Variants in GPATCH2 observed in about 807,000 individuals in gnomAD.
The protein encoded by GPATCH2 is G-patch domain containing 2.
In GPATCH2, 51 loss-of-function variants were observed where a neutral mutation model predicts 58.0. The ratio of observed to expected loss-of-function variants is 0.88; its 90% CI spans 0.70 to 1.11. The LOEUF is 1.11. Ranked by LOEUF, GPATCH2 falls within the 50% of genes most tolerant of loss-of-function variation. GPATCH2 has a pLI of 0.00. For synonymous variants in GPATCH2, 222 were observed against 218.5 expected (o/e 1.02, Z -0.14); for missense variants, 625 against 652.2 (o/e 0.96, Z 0.45).
At chr1:217,611,096 C>CG (rs772696115) in intron 3 of GPATCH2, 25 bp from the exon 4 acceptor site, 3 of 1,587,210 alleles carry the variant, frequency 1.9e-6, no homozygotes, top group Non-Finnish European at 1.7e-6. Flanking sequence ...GAAACCCCCC[C>CG]CCACCAAAGA....
chr1:217,579,727 G>A (rs531807822), intron 5 of GPATCH2, among the ~76,000 whole-genome samples: 30 of 152,110 alleles, frequency 2.0e-4, no homozygotes, highest in African/African-American at 7.2e-4. Context: ...CTAGACAAAT[G>A]GATTTTCATT....
chr1:217,448,215 T>C (rs1027805034), intron 9 of GPATCH2, among the ~76,000 whole-genome samples: 1 of 152,182 alleles, frequency 6.6e-6, no homozygotes, highest in Non-Finnish European at 1.5e-5. Flanking sequence ...ATTTTTCTTT[T>C]TACTGTTTAC....
chr1:217,526,180 C>A (rs545059394), intron 5 of GPATCH2, among the ~76,000 whole-genome samples: 1 of 152,026 alleles, frequency 6.6e-6, no homozygotes, highest in African/African-American at 2.4e-5. Context: ...TCTCAAGGAC[C>A]AATAGTAATT....
intron 5 of GPATCH2, among the ~76,000 whole-genome samples, chr1:217,555,804 T>A (rs986793315): frequency 1.3e-5 from 2 of 152,164 alleles, no homozygotes; most frequent in Non-Finnish European, 2.9e-5. Flanking sequence ...TTTATGAACA[T>A]CTGCACTTCA....
chr1:217,564,942 T>G (rs1395587173), intron 5 of GPATCH2, among the ~76,000 whole-genome samples: 1 of 152,154 alleles, frequency 6.6e-6, no homozygotes, highest in Non-Finnish European at 1.5e-5. Flanking sequence ...TAAATACTTT[T>G]GTTCTGCCTC....
At chr1:217,477,339 A>G (rs1210934556) in intron 8 of GPATCH2, among the ~76,000 whole-genome samples, 1 of 152,138 alleles carries the variant, frequency 6.6e-6, no homozygotes, top group Admixed American at 6.5e-5. Context: ...TGAGAAAAGC[A>G]GAGGGAAAAG....
At chr1:217,548,444 A>G (rs988724810) in intron 5 of GPATCH2, among the ~76,000 whole-genome samples, 6 of 152,234 alleles carry the variant, frequency 3.9e-5, no homozygotes, top group African/African-American at 1.4e-4. Flanking sequence ...ATGTGCTACA[A>G]ATACTAAGAC....
chr1:217,614,330 GA>G lies in GPATCH2; in HGVS notation c.774-129del, dbSNP rs1457525795. ...ACAAAGATCTGAAAGAAAATAAGAT[GA>G]TTTTTTTTTTAATCAAACTGCTAAT... On this transcript the variant is annotated intron_variant, in intron 2 of 9. Coordinates refer to ENST00000366935, the MANE Select transcript of GPATCH2 (RefSeq NM_018040.5). 1.5e-5 allele frequency: 9 copies of G among 604,242 alleles called. No homozygotes were observed. The South Asian group carries it at 1.8e-4, about 12-fold the overall frequency. The allele number at this position is 604,242 out of a possible 1,614,324, so 37.4% of individuals were successfully genotyped here. A position where few individuals can be genotyped will look rare whatever the true frequency, so the allele number is the denominator to read the frequency against.
intron 8 of GPATCH2, among the ~76,000 whole-genome samples, chr1:217,467,607 GA>G (rs1422754125): frequency 6.6e-6 from 1 of 151,830 alleles, no homozygotes; most frequent in African/African-American, 2.4e-5. Context: ...AATATGGTTG[GA>G]AAAAGATTAA....
At chr1:217,506,951 G>C (rs1662594194) in intron 6 of GPATCH2, among the ~76,000 whole-genome samples, 1 of 152,136 alleles carries the variant, frequency 6.6e-6, no homozygotes, top group African/African-American at 2.4e-5. Flanking sequence ...AGAGTACTTA[G>C]CTCAGTATAT....
intron 8 of GPATCH2, among the ~76,000 whole-genome samples, chr1:217,487,952 G>A (rs940188550): frequency 6.6e-6 from 1 of 152,054 alleles, no homozygotes; most frequent in African/African-American, 2.4e-5. Flanking sequence ...ATGTTGGTCA[G>A]GCTGGTATCG....
intron 6 of GPATCH2, among the ~76,000 whole-genome samples, chr1:217,499,576 T>C (rs1316056072): frequency 6.6e-6 from 1 of 152,156 alleles, no homozygotes. Flanking sequence ...ATAGTGATAG[T>C]GATGCTTCTA....
At chr1:217,609,767 T>C (rs1489139424) in intron 5 of GPATCH2, 1 of 956,782 alleles carries the variant, frequency 1.0e-6, no homozygotes, top group Admixed American at 6.1e-5. Context: ...ATGTAAAAAT[T>C]AATTCTTAAT....
At chr1:217,458,035 G>C (rs1188808733) in intron 8 of GPATCH2, among the ~76,000 whole-genome samples, 1 of 152,136 alleles carries the variant, frequency 6.6e-6, no homozygotes, top group Admixed American at 6.5e-5. Context: ...AGAATATCCT[G>C]GCTAACACGG....
Position 217,623,309 on chromosome 1 carries a change from T to C in GPATCH2, c.57-2810A>G, listed in dbSNP as rs112475933. Among the ~76,000 whole-genome samples, 633 of 152,240 alleles carry C rather than the reference T, an allele frequency of 4.2e-3. 5 individuals carry two copies. Among genetic ancestry groups the C allele is most frequent in the African/African-American group, 0.015 (608 of 41,556 alleles). ...AGTCAGTTTAGTTTGGATATTACAATTTAGTGCTTTACTGCAGCACAGAAC... is the reference window on the plus strand; with the variant it reads ...AGTCAGTTTAGTTTGGATATTACAACTTAGTGCTTTACTGCAGCACAGAAC... On this transcript the variant is annotated intron_variant, in intron 1 of 9. Coordinates refer to ENST00000366935, the MANE Select transcript of GPATCH2 (RefSeq NM_018040.5).
intron 9 of GPATCH2, among the ~76,000 whole-genome samples, chr1:217,444,972 C>G (rs541993933): frequency 6.6e-6 from 1 of 152,066 alleles, no homozygotes; most frequent in African/African-American, 2.4e-5. Context: ...TTATTTACAA[C>G]CTGCCTTCAC....
chr1:217,486,521 C>CA (rs1661460780), intron 8 of GPATCH2, among the ~76,000 whole-genome samples: 1 of 152,146 alleles, frequency 6.6e-6, no homozygotes, highest in Admixed American at 6.5e-5. Flanking sequence ...TTTATAGAGA[C>CA]AGAGTCTCAC....
intron 1 of GPATCH2, among the ~76,000 whole-genome samples, chr1:217,622,289 A>G (rs543394956): frequency 6.2e-4 from 95 of 152,358 alleles, no homozygotes; most frequent in African/African-American, 2.0e-3. Flanking sequence ...ACTGAGCTCA[A>G]AGAACCAACC....
At chr1:217,541,341 G>A (rs1157701808) in intron 5 of GPATCH2, among the ~76,000 whole-genome samples, 1 of 152,134 alleles carries the variant, frequency 6.6e-6, no homozygotes, top group African/African-American at 2.4e-5. Context: ...AAATGACTGG[G>A]CACAAGGTAA....
Sources: gnomAD v4.1 joint callset for allele counts (sites outside exome capture counted in the v4.1 genomes callset) on GRCh38, gnomAD v4.1.1 for gene constraint, MANE v1.5 for transcripts, NCBI Gene and HGNC (gene_info 2026-07-23, HGNC 2026-07-21) for gene names.